Variants in MICU1 observed in about 807,000 individuals in gnomAD.
MICU1 encodes calcium uptake protein 1, mitochondrial.
Under a neutral mutation model 56.8 loss-of-function variants are expected in MICU1, and 45 were observed. The observed-to-expected ratio is 0.79, with a 90% CI of 0.62 to 1.02. The LOEUF (loss-of-function observed/expected upper bound fraction) is 1.02, where lower values mean the gene tolerates loss of function less well. Among genes scored for constraint, MICU1 ranks in the 50% least tolerant of loss-of-function variants. MICU1 has a pLI of 0.00. For missense variants in MICU1, 504 were observed against 587.1 expected, an observed-to-expected ratio of 0.86 and a Z score of 1.46; for synonymous variants, 186 against 195.1, an observed-to-expected ratio of 0.95 and a Z score of 0.39.
chr10:72,589,971 G>GC (rs1204204177), intron 1 of MICU1, among the ~76,000 whole-genome samples: 1 of 151,766 alleles, frequency 6.6e-6, no homozygotes, highest in Non-Finnish European at 1.5e-5. Flanking sequence ...CCTGTGAACA[G>GC]CCCCTCATTC....
intron 1 of MICU1, among the ~76,000 whole-genome samples, chr10:72,596,332 G>A (rs1231014090): frequency 2.6e-5 from 4 of 152,016 alleles, no homozygotes; most frequent in Non-Finnish European, 5.9e-5. Flanking sequence ...CAGCTACTCA[G>A]GAGACTGAGA....
chr10:72,485,254 T>C (rs2039838127), intron 6 of MICU1, among the ~76,000 whole-genome samples: 2 of 150,492 alleles, frequency 1.3e-5, no homozygotes, highest in Admixed American at 6.7e-5. Context: ...TTTTGTTTTG[T>C]TTTGTTTTAA....
intron 3 of MICU1, among the ~76,000 whole-genome samples, chr10:72,561,768 G>A (rs1003926396): frequency 2.0e-5 from 3 of 152,146 alleles, no homozygotes; most frequent in African/African-American, 7.2e-5. Context: ...CCAAGATCAT[G>A]CCATTGCACT....
intron 6 of MICU1, among the ~76,000 whole-genome samples, chr10:72,487,203 G>C (rs1211241220): frequency 6.6e-6 from 1 of 152,136 alleles, no homozygotes; most frequent in Non-Finnish European, 1.5e-5. Flanking sequence ...AATTCATCTT[G>C]TTGGTGCCCT....
intron 10 of MICU1, among the ~76,000 whole-genome samples, chr10:72,393,188 AG>A (rs773768442): frequency 8.5e-5 from 13 of 152,218 alleles, no homozygotes; most frequent in Non-Finnish European, 1.9e-4. Flanking sequence ...CTCTATCCCA[AG>A]TGTTGTTCTA....
chr10:72,431,284 C>G (rs1029678490), intron 8 of MICU1, among the ~76,000 whole-genome samples: 2 of 152,120 alleles, frequency 1.3e-5, no homozygotes, highest in African/African-American at 4.8e-5. Flanking sequence ...GCGAGCACTA[C>G]CACGCCAGCT....
intron 2 of MICU1, among the ~76,000 whole-genome samples, chr10:72,566,039 CT>C (rs11376019): frequency 0.22 from 15,622 of 70,114 alleles, 675 homozygotes; most frequent in East Asian, 0.38. Context: ...CATTCATTTT[CT>C]TTTTTTTTTT....
intron 1 of MICU1, among the ~76,000 whole-genome samples, chr10:72,585,216 A>G (rs1450734115): frequency 2.0e-5 from 3 of 151,774 alleles, no homozygotes. Context: ...CCTCCCGAGC[A>G]GCTGGGATTA....
intron 3 of MICU1, among the ~76,000 whole-genome samples, chr10:72,556,989 C>G (rs1206716594): frequency 2.6e-5 from 4 of 151,876 alleles, no homozygotes; most frequent in Admixed American, 6.6e-5. Context: ...TCACTTGAAC[C>G]CAGGAGGCGG....
intron 8 of MICU1, among the ~76,000 whole-genome samples, chr10:72,465,386 A>C (rs1159679424): frequency 6.6e-6 from 1 of 151,208 alleles, no homozygotes; most frequent in African/African-American, 2.4e-5. Flanking sequence ...AAAAGAAACA[A>C]GTATGGCTGT....
At chr10:72,375,725 A>G (rs1862494319) in intron 11 of MICU1, 58 bp downstream of exon 11, 2 of 1,501,358 alleles carry the variant, frequency 1.3e-6, no homozygotes, top group South Asian at 1.2e-5. Context: ...ATTATACACA[A>G]GGGCCTCTAA....
intron 5 of MICU1, among the ~76,000 whole-genome samples, chr10:72,530,874 A>G (rs953906214): frequency 6.6e-6 from 1 of 152,196 alleles, no homozygotes; most frequent in African/African-American, 2.4e-5. Flanking sequence ...TTTTAGCAAA[A>G]CAAGAAATAA....
At chr10:72,444,236 G>T (rs1421617644) in intron 8 of MICU1, among the ~76,000 whole-genome samples, 1 of 151,952 alleles carries the variant, frequency 6.6e-6, no homozygotes, top group Middle Eastern at 3.4e-3. Flanking sequence ...GTGGGGGAAG[G>T]GGGGAGGGAT....
intron 10 of MICU1, among the ~76,000 whole-genome samples, chr10:72,404,679 T>C (rs1466368084): frequency 1.3e-5 from 2 of 152,194 alleles, no homozygotes; most frequent in African/African-American, 2.4e-5. Flanking sequence ...ATAACATAGA[T>C]GACATGGGCA....
intron 8 of MICU1, among the ~76,000 whole-genome samples, chr10:72,441,616 T>TTTC (rs1491514727): frequency 0.046 from 1,286 of 27,882 alleles, 18 homozygotes; most frequent in Non-Finnish European, 0.098. Context: ...TTAATTTTTC[T>TTTC]TTTTTTTTTT....
chr10:72,582,006 T>C (rs1466794130), intron 1 of MICU1, among the ~76,000 whole-genome samples: 5 of 152,194 alleles, frequency 3.3e-5, no homozygotes, highest in African/African-American at 9.7e-5. Context: ...CTCAGCTCAC[T>C]GCAACCTCTG....
chr10:72,472,241 T>C (rs2132261575), intron 8 of MICU1, among the ~76,000 whole-genome samples: 1 of 152,338 alleles, frequency 6.6e-6, no homozygotes, highest in East Asian at 1.9e-4. Flanking sequence ...GCCCTCTACG[T>C]ACAACTAGAC....
chr10:72,594,775 G>A (rs2132534524), intron 1 of MICU1, among the ~76,000 whole-genome samples: 1 of 151,812 alleles, frequency 6.6e-6, no homozygotes, highest in Non-Finnish European at 1.5e-5. Context: ...AGCTGGACAT[G>A]ATGGTGCACC....
chr10:72,482,063 C>T (rs921441001), intron 6 of MICU1, among the ~76,000 whole-genome samples: 1 of 152,148 alleles, frequency 6.6e-6, no homozygotes, highest in African/African-American at 2.4e-5. Context: ...AGAGAAAAAA[C>T]CATCTTTTTC....
Sources: gnomAD v4.1 joint callset for allele counts (sites outside exome capture counted in the v4.1 genomes callset) on GRCh38, gnomAD v4.1.1 for gene constraint, MANE v1.5 for transcripts, NCBI Gene and HGNC (gene_info 2026-07-23, HGNC 2026-07-21) for gene names.